The following SDR39U1 variants were observed in gnomAD, a reference collection of about 807,000 sequenced individuals.
SDR39U1 encodes short chain dehydrogenase/reductase family 39U member 1.
Under a neutral mutation model 31.7 loss-of-function variants are expected in SDR39U1, and 29 were observed. The observed-to-expected ratio is 0.92, with a 90% confidence interval of 0.68 to 1.25. The LOEUF (loss-of-function observed/expected upper bound fraction) is 1.25. Ranked by LOEUF, SDR39U1 falls within the 50% of genes most tolerant of loss-of-function variation. The pLI is 0.00. For synonymous variants in SDR39U1, 147 were observed against 159.0 expected (o/e 0.92, Z 0.57); for missense variants, 403 against 378.4 (o/e 1.06, Z -0.54).
At chr14:24,440,679 A>G in intron 5 of SDR39U1, 104 bp downstream of exon 5, 2 of 1,460,860 alleles carry the variant, frequency 1.4e-6, no homozygotes, top group Non-Finnish European at 1.9e-6. Context: ...AAGTGGTGGC[A>G]TCCTCTCACT....
chr14:24,441,089 G>A (rs1238089578), intron 4 of SDR39U1, 163 bp from the exon 5 acceptor site: 9 of 767,534 alleles, frequency 1.2e-5, no homozygotes, highest in South Asian at 1.5e-5. Flanking sequence ...ATGACCTGAA[G>A]CGTTCCTTCC....
chr14:24,441,512 A>C (rs2139415776), intron 4 of SDR39U1, 162 bp downstream of exon 4: 1 of 595,216 alleles, frequency 1.7e-6, no homozygotes, highest in East Asian at 3.1e-5. Context: ...TCAATTTCTT[A>C]GTGAAAGTAC....
In SDR39U1 at chr14:24,440,382, T is replaced by C. The variant is rs200399285; in HGVS notation, c.583A>G (p.Ile195Val). 4.0e-4 allele frequency: 652 copies of C among 1,613,912 alleles called. 3 individuals are homozygous for C. In the African/African-American group the frequency reaches 7.6e-3, roughly 19 times the overall value. Residue 195 changes from isoleucine to valine, a missense_variant, in exon 6 of 6, where the codon ATC becomes GTC. By Grantham distance (29) the Ile-to-Val change is conservative. Coordinates refer to ENST00000399395, the MANE Select transcript of SDR39U1 (RefSeq NM_020195.3). The part of the protein sequence containing the change: ...SGHQFFPWIH[I>V]GDLAGILTHA... ...GTCAGGATTCCTGCCAGGTCCCCGA[T>C]GTGTATCCAGGGGAAGAATTGGTGG...
At chr14:24,441,646 T>C (rs773871884) in intron 4 of SDR39U1, 28 bp downstream of exon 4, 11 of 1,558,878 alleles carry the variant, frequency 7.1e-6, no homozygotes, top group Non-Finnish European at 9.5e-6. Flanking sequence ...CTGGCGAATA[T>C]AAGGGGCTGG....
chr14:24,442,817 C>A (rs749328882), upstream of SDR39U1: 10 of 1,608,554 alleles, frequency 6.2e-6, no homozygotes, highest in South Asian at 9.9e-5. Flanking sequence ...GTTTACCTCA[C>A]CTCAGACGCG....
rs781443094 is a variant in SDR39U1 at position 24,440,832 on chromosome 14, A to G, written c.423T>C (p.Ala141=). The G allele has an allele frequency of 6.2e-6, 10 of 1,613,540 alleles. No individual in the cohort carries two copies. Among genetic ancestry groups the G allele is most frequent in the Admixed American group, 1.7e-5 (1 of 59,992 alleles). Residue 141 remains alanine (A), a synonymous_variant, in exon 5 of 6, where the codon GCT becomes GCC. Transcript: ENST00000399395. ...FFSNLVTKWE[A]AARLPGDSTR... ...TAGAATCTCCAGGAAGCCTGGCTGC[A>G]GCTTCCCATTTGGTTACGAGGTTGG...
Position 24,441,712 on chromosome 14 carries a change from G to A in SDR39U1, c.290C>T (p.Pro97Leu). Residue 97 changes from proline to leucine, a missense_variant, in exon 4 of 6, where the codon CCA (proline) becomes CTA (leucine). By Grantham distance (98) the Pro-to-Leu change is moderately conservative. Transcript: ENST00000399395. ...QLLAKAITKA[P>L]QPPKAWVLVT... The stretch of plus-strand genomic sequence containing the variant: ...TAAGACCCAGGCCTTGGGGGGTTGT[G>A]GGGCTTTGGTGATGGCTTTAGCCAG... 1.3e-6 allele frequency: 2 copies of A among 1,597,238 alleles called. No individual in the cohort carries two copies. Among genetic ancestry groups the A allele is most frequent in the Non-Finnish European group, 1.7e-6 (2 of 1,175,384 alleles).
intron 3 of SDR39U1, 191 bp downstream of exon 3, chr14:24,441,987 G>A (rs1302733505): frequency 2.2e-6 from 3 of 1,390,682 alleles, no homozygotes; most frequent in African/African-American, 1.4e-5. Context: ...TTATACGTGA[G>A]GACTTAAGCC....
chr14:24,440,530 A>T, intron 5 of SDR39U1, 38 bp from the exon 6 acceptor site: 1 of 1,566,528 alleles, frequency 6.4e-7, no homozygotes, highest in Non-Finnish European at 8.7e-7. Context: ...GGGTCCTCTC[A>T]GCCTTGAAGG....
rs2043366573 is a variant in SDR39U1, at chr14:24,442,224, C to T, written c.160G>A (p.Ala54Thr). 6.2e-7 allele frequency: 1 copy of T among 1,612,038 alleles called. No individual in the cohort carries two copies. Among genetic ancestry groups the T allele is most frequent in the Non-Finnish European group, 8.5e-7 (1 of 1,179,236 alleles). The change falls in exon 3 of 6, where the codon GCC becomes ACC. Residue 54 changes from alanine to threonine, a missense_variant. Physicochemically the swap from Ala to Thr is moderately conservative, Grantham distance 58 (BLOSUM62 0). Coordinates refer to ENST00000399395, the MANE Select transcript of SDR39U1 (RefSeq NM_020195.3). Reference sequence around the variant, plus strand: ...TTCTCTCCGGCCAGGTTGACGGCGGCATCGCAGCTCGGCAGCCCCGATGCA... The same window carrying T: ...TTCTCTCCGGCCAGGTTGACGGCGGTATCGCAGCTCGGCAGCCCCGATGCA... ...LAASGLPSCDAAVNLAGENIL... is the reference protein window; with the variant it reads ...LAASGLPSCDTAVNLAGENIL...
intron 1 of SDR39U1, 46 bp downstream of exon 1, chr14:24,442,708 C>T (rs1185310293): frequency 6.2e-7 from 1 of 1,612,542 alleles, no homozygotes; most frequent in Non-Finnish European, 8.5e-7. Flanking sequence ...AGTCCTCAAT[C>T]TCCGACTAAG....
At position 24,440,943 on chromosome 14, in the gene SDR39U1, A is replaced by G. The variant is rs1272099586; in HGVS notation, c.329-17T>C. On this transcript the variant is annotated splice_polypyrimidine_tract_variant and intron_variant, in intron 4 of 5. Transcript: ENST00000399395. The stretch of plus-strand genomic sequence containing the variant: ...GGTAGTAAGCTGCCGGTGGAACACA[A>G]TCATTTGCCCTGGGTGTCCTTGGTC... 6.2e-6 allele frequency: 10 copies of G among 1,613,872 alleles called. No individual in the cohort carries two copies. Among genetic ancestry groups the G allele is most frequent in the Non-Finnish European group, 7.6e-6 (9 of 1,179,868 alleles).
In SDR39U1 at chr14:24,439,892, G is replaced by C; in HGVS notation, c.*191C>G. ...GGGAAATCTTACAAGGAGTTGAAAA[G>C]ATTAATGTCCCAACCTGATGAGATT... On this transcript the variant is annotated 3_prime_UTR_variant, in exon 6 of 6. Transcript: ENST00000399395. The C allele has an allele frequency of 1.8e-6, 1 of 550,518 alleles. No homozygotes were observed. The highest frequency in any genetic ancestry group is 3.2e-6 in the Non-Finnish European group (1 of 316,588). The allele number at this position is 550,518 out of a possible 1,614,324, so 34.1% of individuals were successfully genotyped here.
chr14:24,442,214 T>G lies in SDR39U1; in HGVS notation c.170A>C (p.Asn57Thr), dbSNP rs778679443. 1.2e-6 allele frequency: 2 copies of G among 1,612,080 alleles called. No homozygotes were observed. The highest frequency in any genetic ancestry group is 1.7e-6 in the Non-Finnish European group (2 of 1,179,246). ...GTTGAGGATGTTCTCTCCGGCCAGG[T>G]TGACGGCGGCATCGCAGCTCGGCAG... is the stretch of plus-strand genomic sequence containing the variant. ...SGLPSCDAAV[N>T]LAGENILNPL... The change falls in exon 3 of 6, where the codon AAC (asparagine) becomes ACC (threonine). Residue 57 changes from asparagine to threonine, a missense_variant. Physicochemically the swap from Asn to Thr is moderately conservative, Grantham distance 65. Coordinates refer to ENST00000399395, the MANE Select transcript of SDR39U1 (RefSeq NM_020195.3).
At chr14:24,440,968 C>T (rs1219491167) in intron 4 of SDR39U1, 42 bp from the exon 5 acceptor site, 7 of 1,612,658 alleles carry the variant, frequency 4.3e-6, no homozygotes, top group African/African-American at 2.7e-5. Flanking sequence ...TGTCCTTGGT[C>T]CTGCCTGGCT....
chr14:24,441,217 C>CT (rs2043329243), intron 4 of SDR39U1: 1 of 509,124 alleles, frequency 2.0e-6, no homozygotes, highest in African/African-American at 1.9e-5. Context: ...TATTAACTCT[C>CT]TGACTTGATG....
chr14:24,441,029 TC>T, intron 4 of SDR39U1, 103 bp from the exon 5 acceptor site: 2 of 1,263,984 alleles, frequency 1.6e-6, no homozygotes, highest in Non-Finnish European at 2.3e-6. Flanking sequence ...CCTTAGGATC[TC>T]CCCATTTGGA....
At chr14:24,440,734 C>A in intron 5 of SDR39U1, 49 bp downstream of exon 5, 1 of 1,596,778 alleles carries the variant, frequency 6.3e-7, no homozygotes, top group South Asian at 1.1e-5. Flanking sequence ...ACTTCCCCAG[C>A]CCAGAGAAGA....
intron 1 of SDR39U1, 45 bp from the exon 2 acceptor site, chr14:24,442,497 T>A: frequency 6.5e-7 from 1 of 1,533,348 alleles, no homozygotes; most frequent in Non-Finnish European, 8.9e-7. Context: ...GGAGTTGGGG[T>A]GGGGGCGCCT....
Sources: allele counts gnomAD v4.1 joint callset, GRCh38; gene constraint gnomAD v4.1.1; transcripts MANE v1.5; gene names NCBI Gene and HGNC (gene_info 2026-07-23, HGNC 2026-07-21).